The following AUH variants were observed in gnomAD, a reference collection of about 807,000 sequenced individuals.
The protein encoded by AUH is AU RNA binding methylglutaconyl-CoA hydratase, also known as methylglutaconyl-CoA hydratase, mitochondrial.
AUH carries 29 observed loss-of-function variants against 42.3 expected under a neutral mutation model. That is an observed-to-expected ratio of 0.69 (90% CI 0.51 to 0.93). AUH has a LOEUF of 0.93. Ranked by LOEUF, AUH falls within the 40% of genes least tolerant of loss-of-function variation. The pLI is 0.00. For missense variants in AUH, 452 were observed against 438.1 expected, an observed-to-expected ratio of 1.03 and a Z score of -0.28; for synonymous variants, 174 against 166.4, an observed-to-expected ratio of 1.05 and a Z score of -0.35.
rs2131484945 is a variant in AUH, at chr9:91,267,625, G to C, written c.655+28396C>G. ...CAGGGAGTACACAGCATTCTCCCTT[G>C]GTAGTGGTTGCAACTGAAGAGGTAA... On this transcript the variant is annotated intron_variant, in intron 6 of 9. Coordinates refer to ENST00000375731, the MANE Select transcript of AUH (RefSeq NM_001698.3). Among the ~76,000 whole-genome samples, 4 of 152,220 alleles carry C rather than the reference G, an allele frequency of 2.6e-5. No individual in the cohort carries two copies. The South Asian group carries it at 8.3e-4, about 32-fold the overall frequency.
chr9:91,329,603 CT>C (rs1830188433), intron 3 of AUH, among the ~76,000 whole-genome samples: 1 of 151,982 alleles, frequency 6.6e-6, no homozygotes, highest in Non-Finnish European at 1.5e-5. Context: ...AATTTGTTTT[CT>C]CCTTATTGAG....
Position 91,220,936 on chromosome 9 carries a change from A to G in AUH, c.712T>C (p.Phe238Leu), listed in dbSNP as rs773262900. Residue 238 changes from phenylalanine to leucine, a missense_variant, in exon 7 of 10, where the codon TTC becomes CTC. Phe to Leu is a conservative substitution (Grantham distance 22). Transcript: ENST00000375731. ...IGMSLAKELI[F>L]SARVLDGKEA... is the part of the protein sequence containing the mutation. Reference sequence around the variant, plus strand: ...TTGCCATCGAGGACTCGCGCAGAGAATATGAGCTCCTTGGCCAGGGACATT... The same window carrying G: ...TTGCCATCGAGGACTCGCGCAGAGAGTATGAGCTCCTTGGCCAGGGACATT... The G allele has an allele frequency of 8.7e-6, 14 of 1,614,220 alleles. No homozygotes were observed. Among genetic ancestry groups the G allele is most frequent in the Non-Finnish European group, 1.2e-5 (14 of 1,180,038 alleles).
chr9:91,339,026 A>G lies in AUH; in HGVS notation c.419-13622T>C, dbSNP rs1044974585. ...GGAAACCTAACATTACCTCTAATGA[A>G]TAAAACACAACCACAATAAAGAAAT... On this transcript the variant is annotated intron_variant, in intron 3 of 9. Coordinates refer to ENST00000375731, the MANE Select transcript of AUH (RefSeq NM_001698.3). Among the ~76,000 whole-genome samples the G allele has an allele frequency of 4.6e-5, 7 of 152,354 alleles. No individual in the cohort carries two copies. The East Asian group carries it at 1.4e-3, about 29-fold the overall frequency.
chr9:91,241,885 CTGTT>C (rs1475811230), intron 6 of AUH, among the ~76,000 whole-genome samples: 2 of 152,206 alleles, frequency 1.3e-5, no homozygotes, highest in Admixed American at 6.5e-5. Context: ...ACCATGTAGT[CTGTT>C]TAAGAAAGAA....
intron 1 of AUH, among the ~76,000 whole-genome samples, chr9:91,360,967 TCCTTCAAAG>T (rs1457379723): frequency 2.0e-5 from 3 of 152,188 alleles, no homozygotes; most frequent in Admixed American, 6.5e-5. Flanking sequence ...ATTGTCAGCC[TCCTTCAAAG>T]CCTTCAAAGC....
chr9:91,281,581 G>A (rs1402611073), intron 6 of AUH, among the ~76,000 whole-genome samples: 7 of 152,130 alleles, frequency 4.6e-5, no homozygotes, highest in Non-Finnish European at 5.9e-5. Flanking sequence ...AAGCCAACAC[G>A]TCCAAAACAA....
chr9:91,241,739 T>C (rs1160791580), intron 6 of AUH, among the ~76,000 whole-genome samples: 1 of 152,154 alleles, frequency 6.6e-6, no homozygotes, highest in Non-Finnish European at 1.5e-5. Context: ...CCTTGATATC[T>C]ACAGATTCCA....
chr9:91,292,300 G>T (rs1010990363), intron 6 of AUH, among the ~76,000 whole-genome samples: 4 of 148,624 alleles, frequency 2.7e-5, no homozygotes, highest in African/African-American at 1.0e-4. Flanking sequence ...TTTTGAGACG[G>T]AGTCTCGCTC....
chr9:91,353,776 G>A (rs1399674687), intron 3 of AUH, among the ~76,000 whole-genome samples: 4 of 131,788 alleles, frequency 3.0e-5, no homozygotes, highest in Non-Finnish European at 4.6e-5. Flanking sequence ...AGCCGAGATC[G>A]TGCCACTGCA....
At chr9:91,350,063 AC>A (rs1831845065) in intron 3 of AUH, among the ~76,000 whole-genome samples, 1 of 152,232 alleles carries the variant, frequency 6.6e-6, no homozygotes, top group Non-Finnish European at 1.5e-5. Flanking sequence ...GGTATAGCAC[AC>A]CATGTGAAAA....
intron 9 of AUH, 60 bp downstream of exon 9, chr9:91,215,999 C>T: frequency 1.3e-6 from 2 of 1,493,414 alleles, no homozygotes; most frequent in South Asian, 2.3e-5. Context: ...TTGAATTATA[C>T]AGAAGGTAAA....
chr9:91,269,649 G>A (rs1410402218), intron 6 of AUH, among the ~76,000 whole-genome samples: 5 of 152,020 alleles, frequency 3.3e-5, no homozygotes, highest in African/African-American at 9.7e-5. Context: ...ACTTCTAACC[G>A]TGTCACTTTA....
chr9:91,243,548 C>T (rs1286682430), intron 6 of AUH, among the ~76,000 whole-genome samples: 1 of 152,216 alleles, frequency 6.6e-6, no homozygotes, highest in Non-Finnish European at 1.5e-5. Flanking sequence ...GCTTTCTATT[C>T]TCTGTGCTGG....
chr9:91,230,416 A>G (rs1827799189), intron 6 of AUH, among the ~76,000 whole-genome samples: 2 of 151,022 alleles, frequency 1.3e-5, no homozygotes, highest in South Asian at 2.1e-4. Flanking sequence ...AGCTCCTTTA[A>G]GCACTTCTCT....
chr9:91,281,047 A>G (rs778387328), intron 6 of AUH, among the ~76,000 whole-genome samples: 1 of 152,114 alleles, frequency 6.6e-6, no homozygotes, highest in South Asian at 2.1e-4. Context: ...TTAAATCCTT[A>G]TATCTTTCAC....
chr9:91,290,253 A>G (rs1387247055), intron 6 of AUH, among the ~76,000 whole-genome samples: 1 of 152,138 alleles, frequency 6.6e-6, no homozygotes, highest in Non-Finnish European at 1.5e-5. Context: ...CTGCCTCTAC[A>G]AAAAGAGAAG....
In AUH at chr9:91,303,298, T is replaced by C. The variant is rs181934796; in HGVS notation, c.506-5222A>G. On this transcript the variant is annotated intron_variant, in intron 4 of 9. Transcript: ENST00000375731. ...ATGCTTCTAGAAAAATATGAACAAT[T>C]TGATTATTAAAGGAAAATGTTAGTG... is the stretch of plus-strand genomic sequence containing the variant. Among the ~76,000 whole-genome samples, 3 of 152,156 alleles carry C rather than the reference T, an allele frequency of 2.0e-5. No individual in the cohort carries two copies. In the East Asian group the frequency reaches 5.8e-4, roughly 29 times the overall value.
At chr9:91,232,009 C>T (rs1002811201) in intron 6 of AUH, among the ~76,000 whole-genome samples, 2 of 152,112 alleles carry the variant, frequency 1.3e-5, no homozygotes, top group African/African-American at 4.8e-5. Context: ...ATGTTCTTAC[C>T]ACACAAAAAA....
At chr9:91,224,245 C>T (rs1014730594) in intron 6 of AUH, among the ~76,000 whole-genome samples, 10 of 152,290 alleles carry the variant, frequency 6.6e-5, no homozygotes, top group African/African-American at 2.2e-4. Flanking sequence ...ATTGGCCATC[C>T]ATATATTGTC....
Sources: allele counts gnomAD v4.1 joint callset (sites outside exome capture counted in the v4.1 genomes callset), GRCh38; gene constraint gnomAD v4.1.1; transcripts MANE v1.5; gene names NCBI Gene and HGNC (gene_info 2026-07-23, HGNC 2026-07-21).